The following NRG3 variants were observed in gnomAD, a reference collection of about 807,000 sequenced individuals.
NRG3 encodes the protein neuregulin 3.
NRG3 carries 31 observed loss-of-function variants against 66.9 expected under a neutral mutation model. The ratio of observed to expected loss-of-function variants is 0.46; its 90% confidence interval spans 0.35 to 0.63. The LOEUF is 0.63. Ranked by LOEUF, NRG3 falls within the 20% of genes least tolerant of loss-of-function variation. The probability of loss-of-function intolerance (pLI) is 0.00; values close to 1 mark genes in which losing one functional copy is unlikely to be tolerated. For synonymous variants in NRG3, 393 were observed against 359.4 expected (o/e 1.09, Z -1.06); for missense variants, 910 against 878.9 (o/e 1.04, Z -0.45).
At chr10:82,849,285 A>G (rs2063455274) in intron 3 of NRG3, among the ~76,000 whole-genome samples, 1 of 152,180 alleles carries the variant, frequency 6.6e-6, no homozygotes, top group South Asian at 2.1e-4. Flanking sequence ...GACATAGGAC[A>G]GATTCTGCCT....
At chr10:82,710,579 T>TC (rs1277934625) in intron 2 of NRG3, among the ~76,000 whole-genome samples, 3 of 74,056 alleles carry the variant, frequency 4.1e-5, no homozygotes, top group African/African-American at 1.1e-4. Context: ...AGAGCAAGAC[T>TC]CCATCTCAAA....
At chr10:82,510,363 G>A (rs765649132) in intron 2 of NRG3, among the ~76,000 whole-genome samples, 7 of 152,070 alleles carry the variant, frequency 4.6e-5, no homozygotes, top group Admixed American at 1.3e-4. Flanking sequence ...GGTCATAAGC[G>A]CAGGCCCCTT....
intron 2 of NRG3, among the ~76,000 whole-genome samples, chr10:82,411,694 T>C (rs985653098): frequency 1.3e-5 from 2 of 152,070 alleles, no homozygotes; most frequent in African/African-American, 4.8e-5. Flanking sequence ...TGAGAATGAG[T>C]CCTTCACTAA....
intron 1 of NRG3, among the ~76,000 whole-genome samples, chr10:81,965,416 A>AT (rs2059695251): frequency 6.6e-6 from 1 of 152,066 alleles, no homozygotes; most frequent in East Asian, 1.9e-4. Flanking sequence ...TAGAGTTTAT[A>AT]TTTTTTCTTT....
At chr10:82,315,470 C>T (rs1259647409) in intron 1 of NRG3, among the ~76,000 whole-genome samples, 1 of 152,142 alleles carries the variant, frequency 6.6e-6, no homozygotes, top group East Asian at 1.9e-4. Context: ...ACATGATCTT[C>T]TTGTGTAGAT....
chr10:82,588,791 G>A (rs1260970210), intron 2 of NRG3, among the ~76,000 whole-genome samples: 10 of 152,068 alleles, frequency 6.6e-5, no homozygotes, highest in Middle Eastern at 3.2e-3. Context: ...GTGAGCCACC[G>A]CACCCAGCCT....
chr10:82,620,458 C>G (rs1015090360), intron 2 of NRG3, among the ~76,000 whole-genome samples: 5 of 152,074 alleles, frequency 3.3e-5, no homozygotes, highest in Non-Finnish European at 7.4e-5. Context: ...AAGTCTGGCC[C>G]TCTCCGGCTG....
intron 2 of NRG3, among the ~76,000 whole-genome samples, chr10:82,425,722 C>G (rs1250967354): frequency 6.6e-6 from 1 of 152,066 alleles, no homozygotes; most frequent in Non-Finnish European, 1.5e-5. Flanking sequence ...GTTCATTTGC[C>G]AAGCAAATGT....
At chr10:81,972,046 C>T (rs974728729) in intron 1 of NRG3, among the ~76,000 whole-genome samples, 3 of 152,140 alleles carry the variant, frequency 2.0e-5, no homozygotes, top group Non-Finnish European at 4.4e-5. Context: ...TCCTACCTGT[C>T]GACTGGAAAT....
At chr10:82,084,233 C>A (rs7070412) in intron 1 of NRG3, among the ~76,000 whole-genome samples, 7 of 151,604 alleles carry the variant, frequency 4.6e-5, no homozygotes, top group Middle Eastern at 3.4e-3. Flanking sequence ...GTCTCAAAAA[C>A]AAAAAAGACA....
At chr10:82,404,623 A>T (rs1354386316) in intron 2 of NRG3, among the ~76,000 whole-genome samples, 1 of 152,204 alleles carries the variant, frequency 6.6e-6, no homozygotes, top group Non-Finnish European at 1.5e-5. Context: ...TTTACTACAT[A>T]AAAGCTTTCC....
intron 1 of NRG3, among the ~76,000 whole-genome samples, chr10:82,303,320 C>G (rs988022707): frequency 7.3e-6 from 1 of 136,140 alleles, no homozygotes; most frequent in East Asian, 2.1e-4. Context: ...CATTTACATA[C>G]TACTGTGCGT....
At chr10:82,580,093 A>G (rs1278659888) in intron 2 of NRG3, among the ~76,000 whole-genome samples, 3 of 152,070 alleles carry the variant, frequency 2.0e-5, no homozygotes, top group Middle Eastern at 3.4e-3. Flanking sequence ...AATACCTACT[A>G]CAATATAAAT....
intron 3 of NRG3, among the ~76,000 whole-genome samples, chr10:82,749,240 A>T (rs1484115166): frequency 6.6e-6 from 1 of 151,756 alleles, no homozygotes; most frequent in African/African-American, 2.4e-5. Context: ...CCTAAGCAGA[A>T]ATTTGCTGTT....
Position 82,001,071 on chromosome 10 carries a change from G to A in NRG3, c.823+124908G>A, listed in dbSNP as rs531293920. On this transcript the variant is annotated intron_variant, in intron 1 of 8. Coordinates refer to ENST00000372141, the MANE Select transcript of NRG3 (RefSeq NM_001010848.4). ...TCTGAAGAAGAAAACAATTCTCCCT[G>A]AACAAATTCCTATTACAATGAAGGC... 3.3e-5 allele frequency among the ~76,000 whole-genome samples: 5 copies of A among 151,418 alleles called. No individual in the cohort carries two copies. The South Asian group carries it at 1.0e-3, about 32-fold the overall frequency.
chr10:82,316,545 G>C (rs549116871), intron 1 of NRG3, among the ~76,000 whole-genome samples: 1 of 152,172 alleles, frequency 6.6e-6, no homozygotes, highest in Admixed American at 6.5e-5. Flanking sequence ...TAAAATGAAG[G>C]GGTGGGACCA....
chr10:82,137,457 A>G (rs2069455448), intron 1 of NRG3, among the ~76,000 whole-genome samples: 3 of 152,178 alleles, frequency 2.0e-5, no homozygotes. Context: ...CACATTTCCT[A>G]TATTTAAGCC....
At chr10:82,914,749 C>CTTT (rs200748869) in intron 4 of NRG3, among the ~76,000 whole-genome samples, 3 of 143,876 alleles carry the variant, frequency 2.1e-5, no homozygotes, top group Admixed American at 6.9e-5. Context: ...TGATTTTTAG[C>CTTT]TTTTTTTTTT....
intron 4 of NRG3, among the ~76,000 whole-genome samples, chr10:82,892,008 G>A (rs1017821967): frequency 3.9e-5 from 6 of 151,912 alleles, no homozygotes; most frequent in Non-Finnish European, 7.4e-5. Context: ...CAATCTATTT[G>A]TATCATATGA....
Sources: gnomAD v4.1 joint callset for allele counts (sites outside exome capture counted in the v4.1 genomes callset) on GRCh38, gnomAD v4.1.1 for gene constraint, MANE v1.5 for transcripts, NCBI Gene and HGNC (gene_info 2026-07-23, HGNC 2026-07-21) for gene names.